Variants in ZNF385B observed in about 807,000 individuals in gnomAD.
ZNF385B encodes the protein zinc finger protein 385B.
Under a neutral mutation model 39.2 loss-of-function variants are expected in ZNF385B, and 23 were observed. The observed-to-expected ratio is 0.59, with a 90% CI of 0.42 to 0.83. The LOEUF (loss-of-function observed/expected upper bound fraction) is 0.83. ZNF385B is among the 40% of genes least tolerant of loss of function. ZNF385B has a pLI of 0.00. For missense variants in ZNF385B, 552 were observed against 598.9 expected, an observed-to-expected ratio of 0.92 and a Z score of 0.82; for synonymous variants, 205 against 222.6, an observed-to-expected ratio of 0.92 and a Z score of 0.70.
At chr2:179,536,434 C>T (rs2059570255) in intron 4 of ZNF385B, 2 of 151,982 alleles carry the variant, frequency 1.3e-5, no homozygotes, top group Non-Finnish European at 2.9e-5. Flanking sequence ...AAGATGAGGC[C>T]CCAGAACCAT....
In ZNF385B at chr2:179,648,575, T is replaced by C. The variant is rs1298897410; in HGVS notation, c.299-103606A>G. Among the ~76,000 whole-genome samples the C allele has an allele frequency of 2.0e-5, 3 of 152,084 alleles. No individual in the cohort carries two copies. The East Asian group carries it at 5.8e-4, about 29-fold the overall frequency. Reference sequence around the variant, plus strand: ...AACACCCCCGAAAACACCCAAATCTTGGTTTCCAAATACTACCCTCCATTA... The same window carrying C: ...AACACCCCCGAAAACACCCAAATCTCGGTTTCCAAATACTACCCTCCATTA... On this transcript the variant is annotated intron_variant, in intron 3 of 9. Coordinates refer to ENST00000410066, the MANE Select transcript of ZNF385B (RefSeq NM_152520.6).
chr2:179,663,429 C>T lies in ZNF385B; in HGVS notation c.298+106074G>A, dbSNP rs114979072. ...TTATTTTAAAAATTTATCTCATGAA[C>T]GCTAGGCGCGGTGGCTCACGCCTGT... On this transcript the variant is annotated intron_variant, in intron 3 of 9. Coordinates refer to ENST00000410066, the MANE Select transcript of ZNF385B (RefSeq NM_152520.6). Among the ~76,000 whole-genome samples, 963 of 152,162 alleles carry T rather than the reference C, an allele frequency of 6.3e-3. 12 individuals carry two copies. Among genetic ancestry groups the T allele is most frequent in the African/African-American group, 0.021 (860 of 41,518 alleles).
At chr2:179,594,714 T>C (rs1006546154) in intron 3 of ZNF385B, among the ~76,000 whole-genome samples, 2 of 151,982 alleles carry the variant, frequency 1.3e-5, no homozygotes, top group African/African-American at 4.8e-5. Flanking sequence ...TGCTTGTAAG[T>C]AAGTAGGACT....
chr2:179,538,057 T>C (rs1188062693), intron 4 of ZNF385B, among the ~76,000 whole-genome samples: 2 of 152,116 alleles, frequency 1.3e-5, no homozygotes, highest in Non-Finnish European at 2.9e-5. Flanking sequence ...CTTCAATATA[T>C]TTAAAAGCAT....
intron 1 of ZNF385B, among the ~76,000 whole-genome samples, chr2:179,817,868 C>T (rs1051982316): frequency 8.5e-5 from 13 of 152,052 alleles, no homozygotes; most frequent in African/African-American, 2.2e-4. Context: ...AAAGTTCATG[C>T]GCATACGCAA....
At chr2:179,590,028 C>A (rs1406596315) in intron 3 of ZNF385B, among the ~76,000 whole-genome samples, 1 of 152,112 alleles carries the variant, frequency 6.6e-6, no homozygotes, top group Non-Finnish European at 1.5e-5. Context: ...TTTAAAAAGG[C>A]CTGGGTTAAC....
intron 5 of ZNF385B, among the ~76,000 whole-genome samples, chr2:179,515,102 T>C (rs1331110063): frequency 6.6e-6 from 1 of 152,216 alleles, no homozygotes; most frequent in African/African-American, 2.4e-5. Context: ...AATATTATCA[T>C]GATTTTGAAC....
At position 179,802,991 on chromosome 2, in the gene ZNF385B, T is replaced by C. The variant is rs549488295; in HGVS notation, c.-154-32319A>G. Among the ~76,000 whole-genome samples, 8 of 152,302 alleles carry C rather than the reference T, an allele frequency of 5.3e-5. No homozygotes were observed. In the South Asian group the frequency reaches 1.4e-3, roughly 28 times the overall value. ...TTATTTACATATCACTGACTACATG[T>C]CACGTGCTTTAACAGTAAATTAACT... On this transcript the variant is annotated intron_variant, in intron 1 of 9. Transcript: ENST00000410066.
At chr2:179,543,430 C>T (rs1222836009) in intron 4 of ZNF385B, among the ~76,000 whole-genome samples, 1 of 152,126 alleles carries the variant, frequency 6.6e-6, no homozygotes, top group East Asian at 1.9e-4. Flanking sequence ...GCACATTAAT[C>T]AAAACACAAA....
intron 1 of ZNF385B, among the ~76,000 whole-genome samples, chr2:179,791,229 A>T (rs1222043825): frequency 1.3e-5 from 2 of 152,158 alleles, no homozygotes. Flanking sequence ...TTCATTGCAA[A>T]TAATCGGAAA....
intron 3 of ZNF385B, among the ~76,000 whole-genome samples, chr2:179,768,547 G>A (rs1048737200): frequency 1.3e-5 from 2 of 152,188 alleles, no homozygotes; most frequent in East Asian, 3.9e-4. Context: ...TCCAACAAAT[G>A]TTTTCTCTGT....
chr2:179,781,764 A>G (rs944164430), intron 1 of ZNF385B, among the ~76,000 whole-genome samples: 2 of 152,174 alleles, frequency 1.3e-5, no homozygotes, highest in Non-Finnish European at 1.5e-5. Flanking sequence ...TCCTGCCAAG[A>G]CTGAGCCAGG....
At chr2:179,749,701 G>C (rs761216903) in intron 3 of ZNF385B, among the ~76,000 whole-genome samples, 6 of 151,998 alleles carry the variant, frequency 3.9e-5, no homozygotes, top group Non-Finnish European at 7.4e-5. Flanking sequence ...GTTTAAAATG[G>C]GTAACACTTC....
intron 3 of ZNF385B, among the ~76,000 whole-genome samples, chr2:179,663,458 C>G (rs1368819561): frequency 6.6e-6 from 1 of 152,116 alleles, no homozygotes. Flanking sequence ...CGCCTGTAAT[C>G]CCAGCACTTT....
chr2:179,614,259 A>G (rs1176613987), intron 3 of ZNF385B, among the ~76,000 whole-genome samples: 1 of 151,928 alleles, frequency 6.6e-6, no homozygotes, highest in Non-Finnish European at 1.5e-5. Flanking sequence ...TCCTGTGGGG[A>G]GAGCAACTGA....
At chr2:179,473,130 A>G (rs2052982197) in intron 6 of ZNF385B, among the ~76,000 whole-genome samples, 1 of 152,202 alleles carries the variant, frequency 6.6e-6, no homozygotes, top group African/African-American at 2.4e-5. Flanking sequence ...AACCAGTGGA[A>G]GGATAGAAAG....
At chr2:179,685,269 A>G (rs1042248520) in intron 3 of ZNF385B, among the ~76,000 whole-genome samples, 1 of 152,326 alleles carries the variant, frequency 6.6e-6, no homozygotes. Flanking sequence ...GGCAAAACCC[A>G]TAACTCTACT....
At chr2:179,860,734 C>A in intron 1 of ZNF385B, 1 of 427,680 alleles carries the variant, frequency 2.3e-6, no homozygotes, top group Non-Finnish European at 4.9e-6. Flanking sequence ...GCCCAGGTGA[C>A]GAGGCGCTGC....
rs529610148 is a variant in ZNF385B, at chr2:179,838,931, G to C, written c.-155+22170C>G. On this transcript the variant is annotated intron_variant, in intron 1 of 9. Coordinates refer to ENST00000410066, the MANE Select transcript of ZNF385B (RefSeq NM_152520.6). Reference sequence around the variant, plus strand: ...TATTACTGTAAACCAAAAAAAAAGGGGGGGGGGCATTTTGCTGCTCCTTGC... The same window carrying C: ...TATTACTGTAAACCAAAAAAAAAGGCGGGGGGGCATTTTGCTGCTCCTTGC... Among the ~76,000 whole-genome samples the C allele has an allele frequency of 2.4e-3, 353 of 150,100 alleles. 1 individual carries two copies. Among genetic ancestry groups the C allele is most frequent in the African/African-American group, 8.1e-3 (331 of 40,790 alleles).
Sources: allele counts gnomAD v4.1 joint callset (sites outside exome capture counted in the v4.1 genomes callset), GRCh38; gene constraint gnomAD v4.1.1; transcripts MANE v1.5; gene names NCBI Gene and HGNC (gene_info 2026-07-23, HGNC 2026-07-21).